SLC16A7: variants seen among roughly 807,000 people sequenced by gnomAD.
SLC16A7 encodes solute carrier family 16 member 7.
Under a neutral mutation model 34.9 loss-of-function variants are expected in SLC16A7, and 33 were observed. That is an observed-to-expected ratio of 0.94 (90% CI 0.72 to 1.26). The LOEUF (loss-of-function observed/expected upper bound fraction) is 1.26. Ranked by LOEUF, SLC16A7 falls within the 50% of genes most tolerant of loss-of-function variation. The pLI is 0.00. For missense variants in SLC16A7, 573 were observed against 578.1 expected (o/e 0.99, Z 0.09); for synonymous variants, 201 against 206.6 (o/e 0.97, Z 0.23).
intron 3 of SLC16A7, among the ~76,000 whole-genome samples, chr12:59,729,538 C>T (rs1230032297): frequency 6.6e-6 from 1 of 152,116 alleles, no homozygotes; most frequent in Non-Finnish European, 1.5e-5. Flanking sequence ...CCTTTCATTG[C>T]ACCTGTGTAA....
intron 1 of SLC16A7, among the ~76,000 whole-genome samples, chr12:59,637,907 T>G (rs182352781): frequency 6.6e-6 from 1 of 152,266 alleles, no homozygotes; most frequent in Non-Finnish European, 1.5e-5. Context: ...TCTTTCATGC[T>G]CTTTTGCTTT....
intron 3 of SLC16A7, among the ~76,000 whole-genome samples, chr12:59,742,727 T>C (rs961616273): frequency 5.3e-5 from 8 of 152,246 alleles, no homozygotes; most frequent in South Asian, 2.1e-4. Flanking sequence ...TTTTAGGCTC[T>C]GCTGAAAGTA....
At chr12:59,671,866 T>TATATGTAC (rs1285884347) in intron 2 of SLC16A7, among the ~76,000 whole-genome samples, 1 of 131,118 alleles carries the variant, frequency 7.6e-6, no homozygotes, top group Non-Finnish European at 1.6e-5. Context: ...TGTATATGTA[T>TATATGTAC]ATATGTGTAT....
chr12:59,633,447 A>T (rs1191293428), intron 1 of SLC16A7, among the ~76,000 whole-genome samples: 1 of 152,028 alleles, frequency 6.6e-6, no homozygotes. Context: ...TTAGCAGTAG[A>T]GTTCAATCCC....
At chr12:59,717,809 T>C (rs1875096873) in intron 3 of SLC16A7, among the ~76,000 whole-genome samples, 1 of 152,222 alleles carries the variant, frequency 6.6e-6, no homozygotes, top group Non-Finnish European at 1.5e-5. Flanking sequence ...AATCTCTTGT[T>C]TATTTGAGTG....
intron 3 of SLC16A7, among the ~76,000 whole-genome samples, chr12:59,730,683 T>A (rs1175537099): frequency 1.3e-5 from 2 of 152,204 alleles, no homozygotes; most frequent in African/African-American, 4.8e-5. Flanking sequence ...CTTTTTATTT[T>A]CCTAGTTTAT....
rs1001915836 is a variant in SLC16A7 at position 59,786,061 on chromosome 12, G to A, written c.*6382G>A. The A allele has an allele frequency of 3.3e-5, 5 of 150,214 alleles. No individual in the cohort carries two copies. The highest frequency in any genetic ancestry group is 9.8e-5 in the African/African-American group (4 of 40,792). The allele number at this position is 150,214 out of a possible 1,614,324, so 9.3% of individuals were successfully genotyped here. On this transcript the variant is annotated 3_prime_UTR_variant, in exon 6 of 6. Transcript: ENST00000547379. ...GGGGTCGGGGGAGGGGGGAGGGATA[G>A]CATTGGGAGATATACCTAATGCTAG...
intron 3 of SLC16A7, among the ~76,000 whole-genome samples, chr12:59,745,944 G>T (rs1878844670): frequency 6.6e-6 from 1 of 152,174 alleles, no homozygotes; most frequent in South Asian, 2.1e-4. Flanking sequence ...AAAACATAAA[G>T]TGAAAAATTG....
At position 59,669,470 on chromosome 12, in the gene SLC16A7, C is replaced by A. The variant is rs560314456; in HGVS notation, c.-31+14220C>A. Among the ~76,000 whole-genome samples, 5 of 152,206 alleles carry A rather than the reference C, an allele frequency of 3.3e-5. No individual in the cohort carries two copies. In the South Asian group the frequency reaches 1.0e-3, roughly 32 times the overall value. On this transcript the variant is annotated intron_variant, in intron 2 of 5. Transcript: ENST00000547379. ...GAGCCTGGCTTTCGCATATTAATAA[C>A]TAAGTGCTGGTCTAATTCACTGTGG...
intron 3 of SLC16A7, among the ~76,000 whole-genome samples, chr12:59,710,708 C>G (rs567441233): frequency 6.6e-6 from 1 of 152,234 alleles, no homozygotes; most frequent in South Asian, 2.1e-4. Context: ...ACTATCTTTC[C>G]TGATTTTTGG....
chr12:59,753,800 T>A (rs1311207918), intron 3 of SLC16A7, among the ~76,000 whole-genome samples: 1 of 152,122 alleles, frequency 6.6e-6, no homozygotes, highest in Non-Finnish European at 1.5e-5. Flanking sequence ...CAACAGAATA[T>A]ACATTTTTTT....
intron 1 of SLC16A7, among the ~76,000 whole-genome samples, chr12:59,639,521 C>T (rs1245884021): frequency 3.3e-5 from 5 of 151,974 alleles, no homozygotes; most frequent in South Asian, 2.1e-4. Flanking sequence ...GTAGCTGGGA[C>T]GAGAGATGCA....
chr12:59,707,677 CAG>C (rs1303346732), intron 3 of SLC16A7, among the ~76,000 whole-genome samples: 3 of 151,916 alleles, frequency 2.0e-5, no homozygotes, highest in African/African-American at 7.2e-5. Context: ...TAAATATTAA[CAG>C]GGATTTTATA....
chr12:59,740,009 A>G (rs1300859096), intron 3 of SLC16A7, among the ~76,000 whole-genome samples: 2 of 151,526 alleles, frequency 1.3e-5, no homozygotes, highest in Non-Finnish European at 2.9e-5. Flanking sequence ...GTTCACTCTG[A>G]TGGTAGTTTC....
At chr12:59,616,698 G>A (rs1265008738) in intron 1 of SLC16A7, among the ~76,000 whole-genome samples, 1 of 151,964 alleles carries the variant, frequency 6.6e-6, no homozygotes, top group Non-Finnish European at 1.5e-5. Context: ...AAGAGAACTG[G>A]GTAACTTTTA....
chr12:59,601,256 A>G (rs1242755151), intron 1 of SLC16A7, among the ~76,000 whole-genome samples: 1 of 152,230 alleles, frequency 6.6e-6, no homozygotes, highest in African/African-American at 2.4e-5. Context: ...TGAAGCTAAT[A>G]TGTAAAAGAA....
intron 1 of SLC16A7, among the ~76,000 whole-genome samples, chr12:59,615,291 A>G (rs146832298): frequency 6.6e-6 from 1 of 152,102 alleles, no homozygotes; most frequent in African/African-American, 2.4e-5. Context: ...GCACAAACAG[A>G]CTAAGAGAAC....
At chr12:59,727,476 C>T (rs1303511850) in intron 3 of SLC16A7, among the ~76,000 whole-genome samples, 1 of 152,054 alleles carries the variant, frequency 6.6e-6, no homozygotes, top group Non-Finnish European at 1.5e-5. Context: ...TCTAATCCAG[C>T]AATTTTCAGG....
chr12:59,704,300 A>G (rs777621250), intron 2 of SLC16A7, among the ~76,000 whole-genome samples: 1 of 152,222 alleles, frequency 6.6e-6, no homozygotes, highest in Non-Finnish European at 1.5e-5. Flanking sequence ...AACAGAAAGC[A>G]ATAAAAAAAG....
Sources: gnomAD v4.1 joint callset for allele counts (sites outside exome capture counted in the v4.1 genomes callset) on GRCh38, gnomAD v4.1.1 for gene constraint, MANE v1.5 for transcripts, NCBI Gene and HGNC (gene_info 2026-07-23, HGNC 2026-07-21) for gene names.